The following ARHGAP6 variants were observed in gnomAD, a reference collection of about 807,000 sequenced individuals.
ARHGAP6 encodes the protein rho GTPase-activating protein 6.
A neutral mutation model predicts 55.7 loss-of-function variants in ARHGAP6; 16 were observed. The observed-to-expected ratio is 0.29, with a 90% CI of 0.19 to 0.44. ARHGAP6 has a LOEUF of 0.44. ARHGAP6 is among the 20% of genes least tolerant of loss of function. ARHGAP6 has a pLI of 1.00. For synonymous variants in ARHGAP6, 382 were observed against 360.9 expected, an observed-to-expected ratio of 1.06 and a Z score of -0.66; for missense variants, 698 against 808.9, an observed-to-expected ratio of 0.86 and a Z score of 1.66.
chrX:11,618,558 G>A (rs1299540941), intron 1 of ARHGAP6, among the ~76,000 whole-genome samples: 2 of 111,960 alleles, frequency 1.8e-5, no homozygotes, highest in Admixed American at 9.4e-5. Flanking sequence ...GCTTTACCCA[G>A]TGAATCATTG....
intron 8 of ARHGAP6, among the ~76,000 whole-genome samples, chrX:11,174,636 TTTCTTTCTTTC>T (rs2046169640): frequency 2.2e-5 from 1 of 45,948 alleles, no homozygotes; most frequent in African/African-American, 1.0e-4. Context: ...TCTTTCTTTC[TTTCTTTCTTTC>T]TTTCTTTCTT....
chrX:11,391,445 C>G (rs1394831831), intron 1 of ARHGAP6, among the ~76,000 whole-genome samples: 2 of 108,289 alleles, frequency 1.8e-5, no homozygotes, highest in Admixed American at 9.9e-5. Flanking sequence ...CACATGTACC[C>G]TAGAACTTAA....
intron 1 of ARHGAP6, among the ~76,000 whole-genome samples, chrX:11,446,098 T>C (rs1382361581): frequency 4.5e-5 from 5 of 112,199 alleles, no homozygotes; most frequent in African/African-American, 1.6e-4. Context: ...ATAAACTAAC[T>C]TATTGAAAAG....
rs763270795 is a variant in ARHGAP6 at position 11,572,759 on chromosome X, G to A, written c.588+91482C>T. Among the ~76,000 whole-genome samples the A allele has an allele frequency of 9.3e-3, 1,043 of 111,600 alleles. 10 individuals are homozygous for A. Among genetic ancestry groups the A allele is most frequent in the African/African-American group, 0.032 (975 of 30,708 alleles). On this transcript the variant is annotated intron_variant, in intron 1 of 12. Coordinates refer to ENST00000337414, the MANE Select transcript of ARHGAP6 (RefSeq NM_013427.3). ...TCTAGTTCTAGATCCCTGAGGAATC[G>A]CCACACTGACTTCCACAATGGTTGA...
At position 11,377,148 on chromosome X, in the gene ARHGAP6, G is replaced by A. The variant is rs138414336; in HGVS notation, c.589-122441C>T. Among the ~76,000 whole-genome samples, 289 of 112,229 alleles carry A rather than the reference G, an allele frequency of 2.6e-3. 1 individual carries two copies. The highest frequency in any genetic ancestry group is 9.2e-3 in the Middle Eastern group (2 of 218). Reference sequence around the variant, plus strand: ...TCTGTTAAATGGAATGGGATTCATTGTTTCCTTGTTGTTCTGCTTTCCCAG... The same window carrying A: ...TCTGTTAAATGGAATGGGATTCATTATTTCCTTGTTGTTCTGCTTTCCCAG... On this transcript the variant is annotated intron_variant, in intron 1 of 12. Transcript: ENST00000337414.
intron 1 of ARHGAP6, among the ~76,000 whole-genome samples, chrX:11,518,596 A>C (rs1275450973): frequency 9.6e-6 from 1 of 104,449 alleles, no homozygotes. Context: ...CCTCAAAAAA[A>C]TCTCTTCCTC....
chrX:11,261,763 T>A (rs2047564756), intron 1 of ARHGAP6, among the ~76,000 whole-genome samples: 1 of 111,663 alleles, frequency 9.0e-6, no homozygotes, highest in South Asian at 3.8e-4. Context: ...TGGGGTAATG[T>A]TGCCCCCAGT....
intron 1 of ARHGAP6, among the ~76,000 whole-genome samples, chrX:11,623,514 A>G (rs1388108758): frequency 9.3e-6 from 1 of 107,883 alleles, no homozygotes; most frequent in African/African-American, 3.4e-5. Context: ...ACACGGTGAA[A>G]CCCCGTCTCT....
chrX:11,525,574 C>G (rs1011552985), intron 1 of ARHGAP6, among the ~76,000 whole-genome samples: 5 of 111,872 alleles, frequency 4.5e-5, no homozygotes, highest in African/African-American at 1.6e-4. Context: ...GCTTTTACTA[C>G]CCCATACTGC....
intron 1 of ARHGAP6, among the ~76,000 whole-genome samples, chrX:11,640,749 G>A (rs893883220): frequency 2.7e-5 from 3 of 111,104 alleles, no homozygotes; most frequent in African/African-American, 9.8e-5. Context: ...TTCATATATT[G>A]ACATTCTGTT....
At chrX:11,267,335 G>A (rs898642724) in intron 1 of ARHGAP6, among the ~76,000 whole-genome samples, 54 of 111,889 alleles carry the variant, frequency 4.8e-4, no homozygotes, top group Non-Finnish European at 1.1e-4. Flanking sequence ...CATTTTATGG[G>A]CACTGACTTA....
chrX:11,280,772 T>A (rs962318085), intron 1 of ARHGAP6, among the ~76,000 whole-genome samples: 13 of 99,769 alleles, frequency 1.3e-4, no homozygotes, highest in Non-Finnish European at 1.6e-4. Context: ...AAAATCAAAA[T>A]TTTTTTCGGA....
At chrX:11,570,997 G>A (rs1003370286) in intron 1 of ARHGAP6, among the ~76,000 whole-genome samples, 2 of 111,064 alleles carry the variant, frequency 1.8e-5, no homozygotes, top group African/African-American at 3.3e-5. Context: ...GCCATGTGAG[G>A]ACACAGCATC....
chrX:11,402,319 T>C (rs1464748560), intron 1 of ARHGAP6, among the ~76,000 whole-genome samples: 2 of 111,757 alleles, frequency 1.8e-5, no homozygotes, highest in Non-Finnish European at 3.8e-5. Context: ...TTTTCACCCA[T>C]TTTGGTTCCA....
At chrX:11,593,458 T>G (rs2051863083) in intron 1 of ARHGAP6, among the ~76,000 whole-genome samples, 1 of 111,467 alleles carries the variant, frequency 9.0e-6, no homozygotes, top group Non-Finnish European at 1.9e-5. Context: ...GTAGGTGGAG[T>G]ATAGAGGATT....
intron 1 of ARHGAP6, chrX:11,298,546 A>G (rs754573529): frequency 3.3e-6 from 4 of 1,211,395 alleles, no homozygotes; most frequent in Non-Finnish European, 4.5e-6. Context: ...GTTTCTCACC[A>G]GTACCCTTCC....
At chrX:11,485,095 G>A (rs1218768055) in intron 1 of ARHGAP6, among the ~76,000 whole-genome samples, 2 of 111,714 alleles carry the variant, frequency 1.8e-5, no homozygotes, top group Non-Finnish European at 3.8e-5. Flanking sequence ...ACCCAATTAT[G>A]TATATATGAG....
chrX:11,570,530 G>A (rs2051501238), intron 1 of ARHGAP6, among the ~76,000 whole-genome samples: 1 of 110,587 alleles, frequency 9.0e-6, no homozygotes, highest in Admixed American at 9.7e-5. Context: ...ACTATGGTAA[G>A]TGTTATAATT....
chrX:11,393,496 AT>A (rs1477360570), intron 1 of ARHGAP6, among the ~76,000 whole-genome samples: 3 of 112,157 alleles, frequency 2.7e-5, no homozygotes, highest in African/African-American at 6.5e-5. Flanking sequence ...GCATCATATT[AT>A]ATGATGTGTT....
Sources: allele counts gnomAD v4.1 joint callset (sites outside exome capture counted in the v4.1 genomes callset), GRCh38; gene constraint gnomAD v4.1.1; transcripts MANE v1.5; gene names NCBI Gene and HGNC (gene_info 2026-07-23, HGNC 2026-07-21).